Variants in PLPP4 observed in about 807,000 individuals in gnomAD.
The protein encoded by PLPP4 is diacylglycerol pyrophosphate like 2.
PLPP4 carries 20 observed loss-of-function variants against 32.2 expected under a neutral mutation model. The ratio of observed to expected loss-of-function variants is 0.62; its 90% CI spans 0.44 to 0.90. PLPP4 has a LOEUF of 0.90. Among genes scored for constraint, PLPP4 ranks in the 40% least tolerant of loss-of-function variants. PLPP4 has a pLI of 0.00. For synonymous variants in PLPP4, 127 were observed against 133.0 expected, an observed-to-expected ratio of 0.95 and a Z score of 0.31; for missense variants, 257 against 353.1, an observed-to-expected ratio of 0.73 and a Z score of 2.18.
chr10:120,479,090 G>C (rs2133812218), intron 1 of PLPP4, among the ~76,000 whole-genome samples: 1 of 152,276 alleles, frequency 6.6e-6, no homozygotes, highest in African/African-American at 2.4e-5. Flanking sequence ...GCCGGGCATG[G>C]TGGTGGGCGC....
chr10:120,481,333 T>C (rs1306724937), intron 1 of PLPP4, among the ~76,000 whole-genome samples: 1 of 152,114 alleles, frequency 6.6e-6, no homozygotes, highest in African/African-American at 2.4e-5. Flanking sequence ...GTGGACTATT[T>C]TGAGGGGCTT....
intron 3 of PLPP4, among the ~76,000 whole-genome samples, chr10:120,516,690 T>G (rs1845947752): frequency 6.6e-6 from 1 of 152,218 alleles, no homozygotes; most frequent in Non-Finnish European, 1.5e-5. Context: ...TGTGGGATGC[T>G]GTAAAAAGAG....
At position 120,575,164 on chromosome 10, in the gene PLPP4, A is replaced by G. The variant is rs1482104751; in HGVS notation, c.479A>G (p.Tyr160Cys). Residue 160 changes from tyrosine to cysteine, a missense_variant, in exon 6 of 7, where the codon TAC becomes TGC. Coordinates refer to ENST00000398250, the MANE Select transcript of PLPP4 (RefSeq NM_001030059.3). ...AFSGLGFTTF[Y>C]LAGKLHCFTE... ...TCGGGCCTTGGCTTCACGACGTTCTACTTGGCGGGCAAGCTGCACTGCTTC... is the reference window on the plus strand; with the variant it reads ...TCGGGCCTTGGCTTCACGACGTTCTGCTTGGCGGGCAAGCTGCACTGCTTC... 6.2e-7 allele frequency: 1 copy of G among 1,613,698 alleles called. No individual in the cohort carries two copies. The highest frequency in any genetic ancestry group is 1.3e-5 in the African/African-American group (1 of 74,904).
At position 120,572,083 on chromosome 10, in the gene PLPP4, A is replaced by G. The variant is rs1209562601; in HGVS notation, c.446-3048A>G. 2.0e-5 allele frequency among the ~76,000 whole-genome samples: 3 copies of G among 152,194 alleles called. No homozygotes were observed. In the East Asian group the frequency reaches 5.8e-4, roughly 29 times the overall value. On this transcript the variant is annotated intron_variant, in intron 5 of 6. Coordinates refer to ENST00000398250, the MANE Select transcript of PLPP4 (RefSeq NM_001030059.3). ...GGATCTAGGCCCTTGCACATTGCCT[A>G]TAAAGATGACTTGGAATTCATCCTC...
intron 6 of PLPP4, among the ~76,000 whole-genome samples, chr10:120,582,435 A>G (rs995296945): frequency 1.2e-4 from 18 of 151,998 alleles, no homozygotes; most frequent in Non-Finnish European, 2.5e-4. Context: ...TCCCCTCTTT[A>G]TAAGGACACC....
At chr10:120,478,976 C>G (rs1275368132) in intron 1 of PLPP4, among the ~76,000 whole-genome samples, 7 of 152,218 alleles carry the variant, frequency 4.6e-5, no homozygotes. Context: ...CCTGTAATCC[C>G]AGCACTTTGG....
At chr10:120,472,406 T>G (rs1848557669) in intron 1 of PLPP4, among the ~76,000 whole-genome samples, 1 of 152,156 alleles carries the variant, frequency 6.6e-6, no homozygotes, top group Admixed American at 6.5e-5. Context: ...AAATATGTCT[T>G]TGCATTATCT....
chr10:120,529,849 T>C (rs1846619528), intron 5 of PLPP4, among the ~76,000 whole-genome samples: 1 of 152,180 alleles, frequency 6.6e-6, no homozygotes, highest in Non-Finnish European at 1.5e-5. Flanking sequence ...ACCCTAGCTA[T>C]TAGGAGGTGG....
intron 5 of PLPP4, among the ~76,000 whole-genome samples, chr10:120,533,490 A>G (rs1201891466): frequency 6.6e-6 from 1 of 152,090 alleles, no homozygotes; most frequent in Non-Finnish European, 1.5e-5. Flanking sequence ...TCATGATAGT[A>G]TTGTTTACAG....
rs146003822 is a variant in PLPP4 at position 120,471,830 on chromosome 10, ATTAG to A, written c.56+14474_56+14477del. Among the ~76,000 whole-genome samples, 541 of 152,010 alleles carry A rather than the reference ATTAG, an allele frequency of 3.6e-3. 7 individuals carry two copies. Among genetic ancestry groups the A allele is most frequent in the African/African-American group, 0.012 (510 of 41,538 alleles). On this transcript the variant is annotated intron_variant, in intron 1 of 6. Transcript: ENST00000398250. Reference sequence around the variant, plus strand: ...TCTCTCTTTTTCTGTCTTCTTTTAGATTAGTTAGATACTTGTTTGTATTCCATTT... The same window carrying A: ...TCTCTCTTTTTCTGTCTTCTTTTAGATTAGATACTTGTTTGTATTCCATTT...
intron 2 of PLPP4, among the ~76,000 whole-genome samples, chr10:120,505,145 T>C (rs1845436676): frequency 6.6e-6 from 1 of 152,212 alleles, no homozygotes; most frequent in Admixed American, 6.5e-5. Context: ...ATTTCACAGA[T>C]GCAAAACTGC....
intron 1 of PLPP4, among the ~76,000 whole-genome samples, chr10:120,469,672 T>G (rs1287490670): frequency 6.6e-6 from 1 of 152,216 alleles, no homozygotes; most frequent in Non-Finnish European, 1.5e-5. Flanking sequence ...ATACAAAAAG[T>G]ATAAGGCTCC....
intron 1 of PLPP4, among the ~76,000 whole-genome samples, chr10:120,463,968 G>A (rs530325867): frequency 1.9e-4 from 29 of 152,174 alleles, no homozygotes; most frequent in East Asian, 3.9e-4. Context: ...GTGTGCCATC[G>A]CAGCCAGCTA....
intron 2 of PLPP4, among the ~76,000 whole-genome samples, chr10:120,513,669 A>T (rs1845817215): frequency 6.6e-6 from 1 of 152,172 alleles, no homozygotes; most frequent in Non-Finnish European, 1.5e-5. Flanking sequence ...ACTGCTTTAA[A>T]CATGGCTCTC....
intron 6 of PLPP4, among the ~76,000 whole-genome samples, chr10:120,580,280 T>C (rs1178081481): frequency 6.6e-6 from 1 of 152,156 alleles, no homozygotes; most frequent in South Asian, 2.1e-4. Context: ...CGGATCTTTT[T>C]CTGGAAATGG....
chr10:120,488,313 G>A (rs537387823), intron 1 of PLPP4, among the ~76,000 whole-genome samples: 17 of 152,214 alleles, frequency 1.1e-4, no homozygotes, highest in Non-Finnish European at 2.4e-4. Flanking sequence ...GAATGAATGA[G>A]TGAGTGAATG....
intron 1 of PLPP4, among the ~76,000 whole-genome samples, chr10:120,460,110 C>A (rs1847973883): frequency 6.6e-6 from 1 of 152,122 alleles, no homozygotes; most frequent in African/African-American, 2.4e-5. Flanking sequence ...TAGAGTAATG[C>A]AAATCAAGGC....
At chr10:120,541,682 T>C (rs965839427) in intron 5 of PLPP4, among the ~76,000 whole-genome samples, 2 of 152,188 alleles carry the variant, frequency 1.3e-5, no homozygotes, top group South Asian at 2.1e-4. Flanking sequence ...AGAAACTCCA[T>C]GTCTTGTAGT....
At chr10:120,493,885 C>G (rs1844833714) in intron 1 of PLPP4, among the ~76,000 whole-genome samples, 1 of 152,120 alleles carries the variant, frequency 6.6e-6, no homozygotes, top group South Asian at 2.1e-4. Flanking sequence ...ACACAAGGAA[C>G]AGAGTGAACA....
Sources: gnomAD v4.1 joint callset for allele counts (sites outside exome capture counted in the v4.1 genomes callset) on GRCh38, gnomAD v4.1.1 for gene constraint, MANE v1.5 for transcripts, NCBI Gene and HGNC (gene_info 2026-07-23, HGNC 2026-07-21) for gene names.